The following RDM1 variants were observed in gnomAD, a reference collection of about 807,000 sequenced individuals.
RDM1 encodes RAD52 motif containing 1, also known as RAD52 motif-containing protein 1.
Under a neutral mutation model 27.7 loss-of-function variants are expected in RDM1, and 28 were observed. The ratio of observed to expected loss-of-function variants is 1.01; its 90% confidence interval spans 0.75 to 1.39. The LOEUF (loss-of-function observed/expected upper bound fraction) is 1.39, where lower values mean the gene tolerates loss of function less well. Among genes scored for constraint, RDM1 ranks in the 40% most tolerant of loss-of-function variants. The pLI is 0.00. For synonymous variants in RDM1, 124 were observed against 127.5 expected, an observed-to-expected ratio of 0.97 and a Z score of 0.19; for missense variants, 277 against 337.3, an observed-to-expected ratio of 0.82 and a Z score of 1.40.
chr17:35,930,208 G>T lies in RDM1; in HGVS notation c.144C>A (p.Val48=), dbSNP rs1369503501. Residue 48 remains valine, a synonymous_variant, in exon 2 of 7, where the codon GTC becomes GTA. Transcript: ENST00000620284. The part of the protein sequence containing the change: ...AFSQFGLLYS[V]RVFPNAAVAH... The stretch of plus-strand genomic sequence containing the variant: ...CCACTGCAGCATTTGGGAAGACCCG[G>T]ACTGAATACAGAAGGCCAAACTGAG... 6.2e-7 allele frequency: 1 copy of T among 1,614,046 alleles called. No homozygotes were observed. Among genetic ancestry groups the T allele is most frequent in the East Asian group, 2.2e-5 (1 of 44,896 alleles).
At chr17:35,926,883 T>TA (rs2141947770) in intron 2 of RDM1, among the ~76,000 whole-genome samples, 2 of 152,058 alleles carry the variant, frequency 1.3e-5, no homozygotes, top group South Asian at 4.1e-4. Context: ...AATGAGCAAG[T>TA]AAAAAATGAA....
At chr17:35,922,533 T>G in intron 5 of RDM1, 44 bp downstream of exon 5, 1 of 1,591,226 alleles carries the variant, frequency 6.3e-7, no homozygotes, top group Non-Finnish European at 8.5e-7. Context: ...GTTTATTTGC[T>G]TACTGAAACT....
chr17:35,922,410 A>G (rs2088976766), intron 5 of RDM1, 167 bp downstream of exon 5: 1 of 828,602 alleles, frequency 1.2e-6, no homozygotes. Context: ...TTTTTCACAA[A>G]TGTCACACAG....
Position 35,922,628 on chromosome 17 carries a change from T to G in RDM1, c.616A>C (p.Ile206Leu), listed in dbSNP as rs371955176. ...MKRKTAQKLA[I>L]QKALSDAFQK... is the part of the protein sequence containing the mutation. ...AATGCATCTGACAAAGCCTTCTGAA[T>G]AGCAAGCTTCTGGGCTGTCTTCCTT... Residue 206 changes from isoleucine (I) to leucine (L), a missense_variant, in exon 5 of 7, where the codon ATT becomes CTT. Coordinates refer to ENST00000620284, the MANE Select transcript of RDM1 (RefSeq NM_145654.4). 3.7e-6 allele frequency: 6 copies of G among 1,611,444 alleles called. No homozygotes were observed. The highest frequency in any genetic ancestry group is 5.1e-6 in the Non-Finnish European group (6 of 1,179,818).
intron 1 of RDM1, 64 bp downstream of exon 1, chr17:35,930,567 CG>C: frequency 2.7e-6 from 4 of 1,485,020 alleles, no homozygotes; most frequent in Non-Finnish European, 3.7e-6. Context: ...GGCAGGACTC[CG>C]GAACTCCCAG....
intron 4 of RDM1, among the ~76,000 whole-genome samples, 153 bp downstream of exon 4, chr17:35,924,451 G>A (rs1220042751): frequency 3.3e-5 from 5 of 152,086 alleles, no homozygotes; most frequent in Non-Finnish European, 7.4e-5. Flanking sequence ...ACCCTATGTT[G>A]TAAGACAGAA....
At position 35,924,710 on chromosome 17, in the gene RDM1, C is replaced by T. The variant is rs1359331727; in HGVS notation, c.462G>A (p.Lys154=). The T allele has an allele frequency of 6.2e-7, 1 of 1,614,170 alleles. No homozygotes were observed. The highest frequency in any genetic ancestry group is 2.2e-5 in the East Asian group (1 of 44,888). ...ENEDSMVPLP[K]QSLKFFCALE... The stretch of plus-strand genomic sequence containing the variant: ...AAGCACAGAAGAACTTCAGGCTTTG[C>T]TTCGGAAGTGGCACCATGCTATCTT... The change falls in exon 4 of 7, where the codon AAG becomes AAA. Residue 154 remains lysine, a synonymous_variant. Coordinates refer to ENST00000620284, the MANE Select transcript of RDM1 (RefSeq NM_145654.4).
At chr17:35,927,472 AC>A (rs1568403397) in intron 2 of RDM1, among the ~76,000 whole-genome samples, 2 of 152,124 alleles carry the variant, frequency 1.3e-5, no homozygotes, top group Non-Finnish European at 2.9e-5. Flanking sequence ...AAACAAAAAA[AC>A]AAAAACCCAA....
chr17:35,925,474 A>C (rs761066958), intron 3 of RDM1, 41 bp downstream of exon 3: 6 of 1,607,522 alleles, frequency 3.7e-6, no homozygotes, highest in Non-Finnish European at 5.1e-6. Context: ...TCAATGTTGA[A>C]AGGAGAGTGT....
Position 35,920,456 on chromosome 17 carries a change from C to CTTTTTTTTTTTTTTTTTTTTT in RDM1, c.668-185_668-184insAAAAAAAAAAAAAAAAAAAAA, listed in dbSNP as rs60990791. Among the ~76,000 whole-genome samples the CTTTTTTTTTTTTTTTTTTTTT allele has an allele frequency of 1.7e-5, 2 of 118,022 alleles. 1 individual carries two copies. 77.4% of individuals were successfully genotyped at this position (118,022 alleles called of 152,430 possible). ...CAGTTTTTTCTTTCTTTCTTTCTTT[C>CTTTTTTTTTTTTTTTTTTTTT]TTTTTTTTTTTTTTTTTAGAAGACA... On this transcript the variant is annotated intron_variant, in intron 5 of 6. Transcript: ENST00000620284.
At chr17:35,924,051 AAAT>A (rs557622374) in intron 4 of RDM1, among the ~76,000 whole-genome samples, 13 of 151,252 alleles carry the variant, frequency 8.6e-5, no homozygotes, top group East Asian at 3.9e-4. Flanking sequence ...CCATCTCTAA[AAAT>A]AATAATAATA....
intron 1 of RDM1, 95 bp downstream of exon 1, chr17:35,930,537 T>C: frequency 1.7e-6 from 2 of 1,200,380 alleles, no homozygotes; most frequent in Non-Finnish European, 2.3e-6. Context: ...CAGCGGAGGC[T>C]CAGGCAGGTG....
At position 35,927,878 on chromosome 17, in the gene RDM1, TATA is replaced by T. The variant is rs550611105; in HGVS notation, c.276+2195_276+2197del. Among the ~76,000 whole-genome samples, 9 of 152,358 alleles carry T rather than the reference TATA, an allele frequency of 5.9e-5. No individual in the cohort carries two copies. The South Asian group carries it at 1.9e-3, about 32-fold the overall frequency. On this transcript the variant is annotated intron_variant, in intron 2 of 6. Transcript: ENST00000620284. ...TGTTTCATAATCTTAGTTGTACCTT[TATA>T]ATATTTGAGTGGCTATGTGAAATGG...
chr17:35,923,468 C>A (rs2089024593), intron 4 of RDM1, among the ~76,000 whole-genome samples: 1 of 151,060 alleles, frequency 6.6e-6, no homozygotes, highest in African/African-American at 2.4e-5. Flanking sequence ...GTAGCCTGGG[C>A]AACATGGTGA....
intron 4 of RDM1, 138 bp downstream of exon 4, chr17:35,924,464 ACT>A (rs2089061156): frequency 1.2e-6 from 1 of 827,378 alleles, no homozygotes; most frequent in South Asian, 2.2e-5. Flanking sequence ...AGACAGAAAA[ACT>A]CTGCCCAGGA....
intron 2 of RDM1, among the ~76,000 whole-genome samples, chr17:35,928,464 A>G (rs2089223119): frequency 6.6e-6 from 1 of 152,198 alleles, no homozygotes; most frequent in African/African-American, 2.4e-5. Flanking sequence ...TTAAATTCAC[A>G]TAAAACTAAA....
At chr17:35,927,950 C>T (rs1477755426) in intron 2 of RDM1, among the ~76,000 whole-genome samples, 2 of 152,136 alleles carry the variant, frequency 1.3e-5, no homozygotes, top group Non-Finnish European at 2.9e-5. Context: ...TAAATAATAT[C>T]TCACAGGTAA....
intron 5 of RDM1, 96 bp downstream of exon 5, chr17:35,922,481 T>A (rs1444802979): frequency 2.7e-6 from 4 of 1,497,056 alleles, no homozygotes; most frequent in Non-Finnish European, 3.6e-6. Context: ...TATAGAGTGC[T>A]TTAGATATCA....
chr17:35,920,452 C>CT (rs1480971958), intron 5 of RDM1, among the ~76,000 whole-genome samples, 180 bp from the exon 6 acceptor site: 132 of 119,532 alleles, frequency 1.1e-3, no homozygotes, highest in South Asian at 0.01. Flanking sequence ...TTCTTTCTTT[C>CT]TTTCTTTTTT....
Sources: allele counts gnomAD v4.1 joint callset (sites outside exome capture counted in the v4.1 genomes callset), GRCh38; gene constraint gnomAD v4.1.1; transcripts MANE v1.5; gene names NCBI Gene and HGNC (gene_info 2026-07-23, HGNC 2026-07-21).